BOLL: variants seen among roughly 807,000 people sequenced by gnomAD.
The protein encoded by BOLL is boule RNA binding protein.
In BOLL, 23 loss-of-function variants were observed where a neutral mutation model predicts 44.4. The observed-to-expected ratio is 0.52, with a 90% confidence interval of 0.37 to 0.73. The LOEUF (loss-of-function observed/expected upper bound fraction) is 0.73. BOLL is among the 30% of genes least tolerant of loss of function. The pLI, the probability that BOLL is intolerant of heterozygous loss-of-function variation, is 0.00. For missense variants in BOLL, 287 were observed against 338.3 expected, an observed-to-expected ratio of 0.85 and a Z score of 1.19; for synonymous variants, 97 against 110.8, an observed-to-expected ratio of 0.88 and a Z score of 0.78.
intron 10 of BOLL, among the ~76,000 whole-genome samples, chr2:197,735,291 C>T (rs983942285): frequency 2.0e-5 from 3 of 152,000 alleles, no homozygotes; most frequent in Admixed American, 1.3e-4. Context: ...AATTTAGAGA[C>T]TCTTGTCCTT....
rs1305029704 is a variant in BOLL at position 197,756,462 on chromosome 2, G to A, written c.695C>T (p.Pro232Leu). The A allele has an allele frequency of 2.5e-6, 4 of 1,611,868 alleles. No homozygotes were observed. In the East Asian group the frequency reaches 8.9e-5, roughly 36 times the overall value. ...TGAAGTTTCCATCAGAGACAGTGGA[G>A]GAGGAACACATCCACCATCCTGTGC... is the stretch of plus-strand genomic sequence containing the variant. ...EIAQDGGCVP[P>L]PLSLMETSVP... is the part of the protein sequence containing the mutation. Residue 232 changes from proline to leucine, a missense_variant, in exon 9 of 11, where the codon CCT (proline) becomes CTT (leucine). Physicochemically the swap from Pro to Leu is moderately conservative, Grantham distance 98. Transcript: ENST00000392296.
At chr2:197,769,056 G>A (rs928292468) in intron 6 of BOLL, among the ~76,000 whole-genome samples, 47 of 151,670 alleles carry the variant, frequency 3.1e-4, no homozygotes, top group African/African-American at 9.9e-4. Flanking sequence ...TGCTGGATTC[G>A]GTTTGCCAGT....
chr2:197,774,336 A>G (rs1048324031), intron 5 of BOLL: 1 of 155,574 alleles, frequency 6.4e-6, no homozygotes, highest in African/African-American at 2.4e-5. Flanking sequence ...GTGGGTTAGG[A>G]ACCACAACAT....
At chr2:197,751,779 T>C (rs1171619632) in intron 9 of BOLL, among the ~76,000 whole-genome samples, 1 of 152,036 alleles carries the variant, frequency 6.6e-6, no homozygotes, top group Non-Finnish European at 1.5e-5. Flanking sequence ...GAGGGACTCC[T>C]TCCTAACTTA....
rs1179777440 is a variant in BOLL at position 197,762,285 on chromosome 2, A to G, written c.552+4247T>C. ...CTTGAACCTGGGAGGCGGAGGTTGC[A>G]GTGAGCCGAGATCATGCCATTGCAC... is the stretch of plus-strand genomic sequence containing the variant. On this transcript the variant is annotated intron_variant, in intron 7 of 10. Transcript: ENST00000392296. Among the ~76,000 whole-genome samples the G allele has an allele frequency of 3.3e-5, 5 of 152,330 alleles. No individual in the cohort carries two copies. In the East Asian group the frequency reaches 9.7e-4, roughly 29 times the overall value.
chr2:197,769,873 A>G (rs1277707419), intron 6 of BOLL, among the ~76,000 whole-genome samples: 4 of 152,216 alleles, frequency 2.6e-5, no homozygotes, highest in African/African-American at 4.8e-5. Flanking sequence ...ATGGGAGAAC[A>G]TTCCGTGCTC....
At chr2:197,734,773 C>G (rs1687401231) in intron 10 of BOLL, among the ~76,000 whole-genome samples, 1 of 152,038 alleles carries the variant, frequency 6.6e-6, no homozygotes, top group African/African-American at 2.4e-5. Flanking sequence ...AAAACTTGGA[C>G]ACAGGAAGGG....
chr2:197,752,525 T>C lies in BOLL; in HGVS notation c.729+3903A>G, dbSNP rs111667890. On this transcript the variant is annotated intron_variant, in intron 9 of 10. Coordinates refer to ENST00000392296, the MANE Select transcript of BOLL (RefSeq NM_033030.6). ...CTATACTCCAATAATAGACAGAGAA[T>C]CAAATCATGAGCAAACTCCCATTCA... Among the ~76,000 whole-genome samples the C allele has an allele frequency of 7.1e-3, 1,084 of 152,162 alleles. 22 individuals carry two copies. The highest frequency in any genetic ancestry group is 0.024 in the African/African-American group (1,016 of 41,520).
chr2:197,744,251 C>T (rs554661131), intron 9 of BOLL, among the ~76,000 whole-genome samples: 5 of 152,138 alleles, frequency 3.3e-5, no homozygotes, highest in Admixed American at 6.5e-5. Flanking sequence ...CAGTCTAAAA[C>T]TCAGGAGTGA....
At chr2:197,748,643 C>G (rs1342268994) in intron 9 of BOLL, among the ~76,000 whole-genome samples, 1 of 152,208 alleles carries the variant, frequency 6.6e-6, no homozygotes, top group Non-Finnish European at 1.5e-5. Context: ...GCAGAACCCA[C>G]CTCAGTACTG....
Position 197,774,614 on chromosome 2 carries a change from A to G in BOLL, c.352+1051T>C, listed in dbSNP as rs576320989. 7.2e-4 allele frequency: 109 copies of G among 152,052 alleles called. 1 individual carries two copies. Among genetic ancestry groups the G allele is most frequent in the African/African-American group, 2.6e-3 (107 of 41,540 alleles). The allele number at this position is 152,052 out of a possible 1,614,324, so 9.4% of individuals were successfully genotyped here. A position where few individuals can be genotyped will look rare whatever the true frequency, so the allele number is the denominator to read the frequency against. On this transcript the variant is annotated intron_variant, in intron 5 of 10. Transcript: ENST00000392296. Reference sequence around the variant, plus strand: ...ACTGGTAGATCATACTATGAGCATTACTATTTAGTACATATTGCTGGTGAT... The same window carrying G: ...ACTGGTAGATCATACTATGAGCATTGCTATTTAGTACATATTGCTGGTGAT...
chr2:197,749,618 G>C (rs1472065330), intron 9 of BOLL, among the ~76,000 whole-genome samples: 4 of 151,686 alleles, frequency 2.6e-5, no homozygotes, highest in Non-Finnish European at 5.9e-5. Context: ...AATTGATCAA[G>C]CAGAAGAAAG....
upstream of BOLL, among the ~76,000 whole-genome samples, chr2:197,785,575 C>G (rs1025580900): frequency 1.7e-4 from 26 of 152,204 alleles, no homozygotes. This position sits in a 1 kb window ranked among gnomAD's most constrained non-coding sequence, Gnocchi z 6.7. Flanking sequence ...CGTCGACCGC[C>G]CTGGCAACTC....
chr2:197,783,358 T>C (rs561160900), intron 1 of BOLL, among the ~76,000 whole-genome samples: 2 of 152,346 alleles, frequency 1.3e-5, no homozygotes, highest in East Asian at 3.9e-4. Flanking sequence ...AACAAACTCA[T>C]GAAAATGAAT....
intron 5 of BOLL, among the ~76,000 whole-genome samples, chr2:197,773,561 CTATATACATA>C (rs1558994413): frequency 6.6e-6 from 1 of 151,828 alleles, no homozygotes; most frequent in African/African-American, 2.4e-5. Flanking sequence ...AAATTTCTCT[CTATATACATA>C]TATATGGAAA....
chr2:197,761,386 A>T (rs551368486), intron 7 of BOLL, among the ~76,000 whole-genome samples: 1 of 152,316 alleles, frequency 6.6e-6, no homozygotes, highest in South Asian at 2.1e-4. Context: ...TCACATCAGG[A>T]AGTGAAAGGA....
chr2:197,784,641 G>T (rs1689981517), intron 1 of BOLL: 2 of 830,534 alleles, frequency 2.4e-6, no homozygotes, highest in Non-Finnish European at 2.9e-6. Context: ...TTTTGGCCAG[G>T]ATGGTCTCGA....
chr2:197,766,885 A>G (rs972203208), intron 6 of BOLL, among the ~76,000 whole-genome samples: 5 of 151,998 alleles, frequency 3.3e-5, no homozygotes, highest in African/African-American at 7.2e-5. Context: ...TTATGAAAAT[A>G]TAGTTATAAG....
chr2:197,757,939 A>C (rs1688589614), intron 7 of BOLL, among the ~76,000 whole-genome samples: 1 of 152,198 alleles, frequency 6.6e-6, no homozygotes, highest in Non-Finnish European at 1.5e-5. Context: ...AGGGAAATAC[A>C]AATCAAAACC....
Sources: gnomAD v4.1 joint callset for allele counts (sites outside exome capture counted in the v4.1 genomes callset) on GRCh38, gnomAD v4.1.1 for gene constraint, Gnocchi (gnomAD v3.1) non-coding constraint, MANE v1.5 for transcripts, NCBI Gene and HGNC (gene_info 2026-07-23, HGNC 2026-07-21) for gene names.